The following METTL15 variants were observed in gnomAD, a reference collection of about 807,000 sequenced individuals.
The protein encoded by METTL15 is 12S rRNA N(4)-cytidine methyltransferase METTL15.
Under a neutral mutation model 38.3 loss-of-function variants are expected in METTL15, and 34 were observed. That is an observed-to-expected ratio of 0.89 (90% CI 0.68 to 1.18). METTL15 has a LOEUF of 1.18. Among genes scored for constraint, METTL15 ranks in the 50% most tolerant of loss-of-function variants. The pLI, the probability that METTL15 is intolerant of heterozygous loss-of-function variation, is 0.00. For synonymous variants in METTL15, 162 were observed against 170.9 expected (o/e 0.95, Z 0.41); for missense variants, 438 against 498.4 (o/e 0.88, Z 1.15).
At chr11:28,169,911 CA>C (rs1850792221) in intron 3 of METTL15, among the ~76,000 whole-genome samples, 1 of 151,972 alleles carries the variant, frequency 6.6e-6, no homozygotes, top group African/African-American at 2.4e-5. Context: ...TGAACACAAG[CA>C]AAATTTGTAT....
At chr11:28,323,045 C>CTACTCTTTAA (rs1849521971) in intron 6 of METTL15, among the ~76,000 whole-genome samples, 2 of 152,100 alleles carry the variant, frequency 1.3e-5, no homozygotes, top group African/African-American at 4.8e-5. Flanking sequence ...TATATATGCA[C>CTACTCTTTAA]ATATACACCT....
intron 6 of METTL15, among the ~76,000 whole-genome samples, chr11:28,453,653 G>A (rs566771389): frequency 9.2e-5 from 14 of 152,272 alleles, no homozygotes; most frequent in African/African-American, 1.9e-4. Flanking sequence ...TTCTAACTAC[G>A]TAATCAAGAA....
intron 6 of METTL15, among the ~76,000 whole-genome samples, chr11:28,305,826 A>G (rs1857065269): frequency 6.6e-6 from 1 of 152,132 alleles, no homozygotes; most frequent in Non-Finnish European, 1.5e-5. Context: ...ATAGACAAGG[A>G]GACCTTTGAG....
At chr11:28,283,598 G>A (rs528143367) in intron 4 of METTL15, among the ~76,000 whole-genome samples, 1 of 152,226 alleles carries the variant, frequency 6.6e-6, no homozygotes, top group African/African-American at 2.4e-5. Context: ...CACCTTAGTC[G>A]TTTATAGCAA....
intron 6 of METTL15, among the ~76,000 whole-genome samples, chr11:28,522,449 A>G (rs1590403259): frequency 1.3e-5 from 2 of 152,210 alleles, no homozygotes; most frequent in African/African-American, 4.8e-5. Flanking sequence ...GGCGGAGGTT[A>G]GTCTTTTGTT....
At chr11:28,392,700 A>T (rs1850524114) in intron 5 of METTL15, among the ~76,000 whole-genome samples, 1 of 152,148 alleles carries the variant, frequency 6.6e-6, no homozygotes, top group Non-Finnish European at 1.5e-5. Context: ...ACAGGAAACA[A>T]CAGAGTGAAA....
chr11:28,159,983 A>T (rs765881006), intron 3 of METTL15, among the ~76,000 whole-genome samples: 1 of 152,056 alleles, frequency 6.6e-6, no homozygotes, highest in East Asian at 1.9e-4. Context: ...GGAGATTAGC[A>T]TTTGAGTCGG....
At chr11:28,509,486 TAA>T (rs202077372) in intron 6 of METTL15, among the ~76,000 whole-genome samples, 34 of 140,574 alleles carry the variant, frequency 2.4e-4, no homozygotes, top group Middle Eastern at 3.6e-3. Context: ...ATCCTTTATT[TAA>T]AAAAAAAAAA....
chr11:28,458,940 C>G (rs1851192614), intron 6 of METTL15, among the ~76,000 whole-genome samples: 1 of 152,152 alleles, frequency 6.6e-6, no homozygotes, highest in Non-Finnish European at 1.5e-5. Context: ...CTCCCTAAGA[C>G]TGTGATCTTT....
At chr11:28,438,999 A>G (rs1481343137) in intron 6 of METTL15, among the ~76,000 whole-genome samples, 1 of 137,784 alleles carries the variant, frequency 7.3e-6, no homozygotes, top group Non-Finnish European at 1.5e-5. Context: ...TAAAACCATT[A>G]ATTGTGTGTG....
chr11:28,178,785 T>A (rs1851172963), intron 3 of METTL15, among the ~76,000 whole-genome samples: 1 of 151,852 alleles, frequency 6.6e-6, no homozygotes, highest in Non-Finnish European at 1.5e-5. Context: ...TCATTGCGAA[T>A]ATTTTACCCA....
intron 3 of METTL15, among the ~76,000 whole-genome samples, chr11:28,341,540 A>G (rs976147811): frequency 2.6e-5 from 4 of 152,196 alleles, no homozygotes; most frequent in African/African-American, 7.2e-5. Flanking sequence ...ATCATCTTGC[A>G]TATAAATTTA....
chr11:28,265,514 A>G (rs1439617744), intron 4 of METTL15, among the ~76,000 whole-genome samples: 2 of 151,948 alleles, frequency 1.3e-5, no homozygotes, highest in South Asian at 2.1e-4. Flanking sequence ...CCCCAAATAC[A>G]GTAGTATCTG....
chr11:28,304,521 G>A (rs903260434), intron 6 of METTL15, among the ~76,000 whole-genome samples: 5 of 152,034 alleles, frequency 3.3e-5, no homozygotes, highest in Admixed American at 6.6e-5. Context: ...TTCGAAACTG[G>A]CCTGTTCAAC....
intron 3 of METTL15, among the ~76,000 whole-genome samples, chr11:28,342,448 G>C (rs948701237): frequency 6.7e-6 from 1 of 150,372 alleles, no homozygotes; most frequent in Non-Finnish European, 1.5e-5. Context: ...TTTTTTGTAG[G>C]GACAGGGTTT....
At chr11:28,477,056 C>T (rs1387336255) in intron 6 of METTL15, among the ~76,000 whole-genome samples, 1 of 152,202 alleles carries the variant, frequency 6.6e-6, no homozygotes, top group Non-Finnish European at 1.5e-5. Flanking sequence ...TAGCATAGTG[C>T]TTAGCCACGT....
intron 5 of METTL15, among the ~76,000 whole-genome samples, chr11:28,419,024 G>A (rs1346707000): frequency 2.0e-5 from 3 of 152,234 alleles, no homozygotes; most frequent in Non-Finnish European, 2.9e-5. Context: ...GCAAGTCCTA[G>A]TGCTGTGCTT....
intron 6 of METTL15, among the ~76,000 whole-genome samples, chr11:28,301,556 A>T (rs1171833702): frequency 1.3e-5 from 2 of 152,170 alleles, no homozygotes; most frequent in African/African-American, 4.8e-5. Flanking sequence ...ACTCCGCATT[A>T]AGAGGTGCCA....
chr11:28,336,397 A>T (rs979814097), downstream of METTL15, among the ~76,000 whole-genome samples: 3 of 152,112 alleles, frequency 2.0e-5, no homozygotes, highest in Non-Finnish European at 4.4e-5. Flanking sequence ...ATTGAGGGGG[A>T]AAAGGAAATG....
Sources: allele counts gnomAD v4.1 joint callset (sites outside exome capture counted in the v4.1 genomes callset), GRCh38; gene constraint gnomAD v4.1.1; transcripts MANE v1.5; gene names NCBI Gene and HGNC (gene_info 2026-07-23, HGNC 2026-07-21).